The following RSRC1 variants were observed in gnomAD, a reference collection of about 807,000 sequenced individuals.
RSRC1 encodes arginine and serine rich coiled-coil 1, also known as serine/Arginine-related protein 53.
In RSRC1, 39 loss-of-function variants were observed where a neutral mutation model predicts 49.1. The observed-to-expected ratio is 0.79, with a 90% confidence interval of 0.61 to 1.04. The LOEUF is 1.04. Among genes scored for constraint, RSRC1 ranks in the 50% least tolerant of loss-of-function variants. The probability of loss-of-function intolerance (pLI) is 0.00; values close to 1 mark genes in which losing one functional copy is unlikely to be tolerated. For missense variants in RSRC1, 388 were observed against 402.4 expected (o/e 0.96, Z 0.31); for synonymous variants, 143 against 130.8 (o/e 1.09, Z -0.63).
chr3:158,298,874 T>A (rs1727380928), intron 5 of RSRC1, among the ~76,000 whole-genome samples: 1 of 152,192 alleles, frequency 6.6e-6, no homozygotes, highest in African/African-American at 2.4e-5. Context: ...TATCATACTG[T>A]AGCTTTGTTA....
chr3:158,171,513 A>C (rs1199003961), intron 3 of RSRC1, among the ~76,000 whole-genome samples: 2 of 152,202 alleles, frequency 1.3e-5, no homozygotes, highest in Non-Finnish European at 2.9e-5. Flanking sequence ...GAATAGAAAG[A>C]TAGAACTTTT....
intron 4 of RSRC1, among the ~76,000 whole-genome samples, chr3:158,290,018 G>A (rs1210359): frequency 0.27 from 40,978 of 151,678 alleles, 6,718 homozygotes; most frequent in East Asian, 0.64. Context: ...CAGTTGAAAT[G>A]GATTTCAAGG....
chr3:158,436,216 C>G (rs985354245), intron 6 of RSRC1, among the ~76,000 whole-genome samples: 2 of 151,840 alleles, frequency 1.3e-5, no homozygotes, highest in Non-Finnish European at 2.9e-5. Context: ...AAGAAAGACA[C>G]TTGTTCAATT....
chr3:158,523,290 A>T (rs1711806913), intron 7 of RSRC1, among the ~76,000 whole-genome samples: 1 of 152,012 alleles, frequency 6.6e-6, no homozygotes, highest in African/African-American at 2.4e-5. Context: ...CAGAGTTTCT[A>T]CTCAGAATCA....
At chr3:158,381,466 C>T (rs1732692038) in intron 6 of RSRC1, among the ~76,000 whole-genome samples, 1 of 152,132 alleles carries the variant, frequency 6.6e-6, no homozygotes, top group South Asian at 2.1e-4. Context: ...TATTGCAATA[C>T]CACAAGGCCA....
At chr3:158,297,074 A>G (rs1727276712) in intron 4 of RSRC1, among the ~76,000 whole-genome samples, 1 of 152,114 alleles carries the variant, frequency 6.6e-6, no homozygotes, top group Admixed American at 6.6e-5. Context: ...CATCATGAAT[A>G]TAATAATGTT....
chr3:158,372,388 T>G (rs1216270685), intron 6 of RSRC1, among the ~76,000 whole-genome samples: 2 of 151,936 alleles, frequency 1.3e-5, no homozygotes, highest in African/African-American at 4.8e-5. Context: ...ATTATTCCAG[T>G]GCCATTTGTT....
chr3:158,276,844 T>C (rs1725846992), intron 4 of RSRC1, among the ~76,000 whole-genome samples: 1 of 152,208 alleles, frequency 6.6e-6, no homozygotes, highest in South Asian at 2.1e-4. Flanking sequence ...GTGATTGTCA[T>C]GCAAATATCA....
intron 3 of RSRC1, among the ~76,000 whole-genome samples, chr3:158,124,265 G>T (rs970084150): frequency 1.3e-5 from 2 of 152,232 alleles, no homozygotes; most frequent in Non-Finnish European, 1.5e-5. Flanking sequence ...AGGCTAGATT[G>T]GGTTTCTTTT....
intron 4 of RSRC1, among the ~76,000 whole-genome samples, chr3:158,221,689 G>A (rs1371972552): frequency 2.6e-5 from 4 of 151,422 alleles, no homozygotes; most frequent in Non-Finnish European, 5.9e-5. Context: ...ATTTCATAAA[G>A]TAGATGCCTT....
chr3:158,189,329 GT>G (rs1224068329), intron 3 of RSRC1, among the ~76,000 whole-genome samples: 1 of 151,856 alleles, frequency 6.6e-6, no homozygotes, highest in Non-Finnish European at 1.5e-5. Context: ...ATTTAACCAT[GT>G]GTTCAAATCT....
At chr3:158,110,401 A>C (rs1714292385) in intron 1 of RSRC1, 178 bp downstream of exon 1, 2 of 152,520 alleles carry the variant, frequency 1.3e-5, no homozygotes, top group South Asian at 2.1e-4. Context: ...CGCACCTGGG[A>C]GGCTCCGGAC....
intron 7 of RSRC1, among the ~76,000 whole-genome samples, chr3:158,483,696 A>T (rs1231845392): frequency 6.6e-6 from 1 of 152,126 alleles, no homozygotes; most frequent in African/African-American, 2.4e-5. Context: ...ATCTTTAAAA[A>T]GACAAATTTA....
intron 3 of RSRC1, among the ~76,000 whole-genome samples, chr3:158,195,481 G>A (rs1275163510): frequency 6.6e-6 from 1 of 151,926 alleles, no homozygotes; most frequent in African/African-American, 2.4e-5. Context: ...TTCTTTTGCT[G>A]TGCAGAAGCT....
At chr3:158,499,699 A>C (rs1001670789) in intron 7 of RSRC1, among the ~76,000 whole-genome samples, 1 of 152,194 alleles carries the variant, frequency 6.6e-6, no homozygotes, top group Non-Finnish European at 1.5e-5. Context: ...GTTAGTGTAT[A>C]GAAAAGCTAC....
intron 6 of RSRC1, among the ~76,000 whole-genome samples, chr3:158,407,155 A>G (rs12633594): frequency 0.52 from 79,013 of 151,862 alleles, 20,996 homozygotes; most frequent in African/African-American, 0.61. Context: ...ATTGATCCTT[A>G]CAGTTTGTTT....
intron 3 of RSRC1, among the ~76,000 whole-genome samples, chr3:158,198,191 T>A (rs1026454659): frequency 6.6e-6 from 1 of 152,160 alleles, no homozygotes; most frequent in Non-Finnish European, 1.5e-5. Flanking sequence ...TGGGTGCATA[T>A]ATATTTAGGA....
At chr3:158,442,232 A>T (rs963721892) in intron 6 of RSRC1, among the ~76,000 whole-genome samples, 5 of 152,054 alleles carry the variant, frequency 3.3e-5, no homozygotes, top group African/African-American at 4.8e-5. Flanking sequence ...GTTTGCAATG[A>T]TTGACTCTTT....
At chr3:158,123,703 T>C (rs1275191331) in intron 2 of RSRC1, among the ~76,000 whole-genome samples, 163 bp from the exon 3 acceptor site, 4 of 152,246 alleles carry the variant, frequency 2.6e-5, no homozygotes, top group African/African-American at 7.2e-5. Context: ...GAACCAGTCA[T>C]ATGACTGTTC....
Sources: allele counts gnomAD v4.1 joint callset (sites outside exome capture counted in the v4.1 genomes callset), GRCh38; gene constraint gnomAD v4.1.1; transcripts MANE v1.5; gene names NCBI Gene and HGNC (gene_info 2026-07-23, HGNC 2026-07-21).